GFRA1: variants seen among roughly 807,000 people sequenced by gnomAD.
GFRA1 encodes the protein GDNF family receptor alpha 1.
In GFRA1, 16 loss-of-function variants were observed where a neutral mutation model predicts 51.6. The ratio of observed to expected loss-of-function variants is 0.31; its 90% CI spans 0.21 to 0.47. The LOEUF is 0.47. Ranked by LOEUF, GFRA1 falls within the 20% of genes least tolerant of loss-of-function variation. The pLI, the probability that GFRA1 is intolerant of heterozygous loss-of-function variation, is 1.00. For synonymous variants in GFRA1, 270 were observed against 241.3 expected (o/e 1.12, Z -1.10); for missense variants, 530 against 594.3 (o/e 0.89, Z 1.13).
chr10:116,088,920 C>CAAAAAA lies in GFRA1; in HGVS notation c.1197+815_1197+820dup, dbSNP rs58590152. On this transcript the variant is annotated intron_variant, in intron 9 of 10. Transcript: ENST00000355422. ...TGGGTGACACAGCGAGACTCTGTCT[C>CAAAAAA]AAAAAAAAAAAAAAAAAAAAAAAAA... 3.9e-4 allele frequency among the ~76,000 whole-genome samples: 19 copies of CAAAAAA among 49,056 alleles called. 1 individual carries two copies. The East Asian group carries it at 4.4e-3, about 11-fold the overall frequency. 32.2% of individuals were successfully genotyped at this position (49,056 alleles called of 152,430 possible).
intron 5 of GFRA1, among the ~76,000 whole-genome samples, chr10:116,168,290 C>T (rs964650542): frequency 6.6e-6 from 1 of 152,074 alleles, no homozygotes; most frequent in African/African-American, 2.4e-5. Flanking sequence ...TGTCTGCCTT[C>T]CTGGGGTTTG....
chr10:116,245,814 T>C (rs1261962095), intron 4 of GFRA1, among the ~76,000 whole-genome samples: 1 of 152,102 alleles, frequency 6.6e-6, no homozygotes, highest in African/African-American at 2.4e-5. Context: ...TGCATATTAT[T>C]AGATGAAAGA....
chr10:116,216,432 T>C (rs530630548), intron 4 of GFRA1, among the ~76,000 whole-genome samples: 1 of 152,268 alleles, frequency 6.6e-6, no homozygotes, highest in Non-Finnish European at 1.5e-5. Context: ...TAGGAATAAT[T>C]TACTATTTCA....
chr10:116,247,410 C>T (rs184384722), intron 4 of GFRA1, among the ~76,000 whole-genome samples: 28 of 152,340 alleles, frequency 1.8e-4, no homozygotes, highest in Admixed American at 1.4e-3. Context: ...GAGATCATGA[C>T]ATTGTCTTCT....
intron 4 of GFRA1, among the ~76,000 whole-genome samples, chr10:116,218,397 A>G (rs1038107272): frequency 1.3e-5 from 2 of 152,202 alleles, no homozygotes; most frequent in Admixed American, 6.5e-5. Context: ...TGTTCTCTAT[A>G]GCGGGGTTCT....
intron 5 of GFRA1, among the ~76,000 whole-genome samples, chr10:116,160,154 TTTTGGTTTTTATTATTA>T (rs1959604315): frequency 6.6e-6 from 1 of 152,226 alleles, no homozygotes; most frequent in Non-Finnish European, 1.5e-5. Context: ...GGTTTTTGTC[TTTTGGTTTTTATTATTA>T]GTTGTTACAA....
intron 9 of GFRA1, among the ~76,000 whole-genome samples, chr10:116,071,628 T>C (rs1955396614): frequency 6.6e-6 from 1 of 152,180 alleles, no homozygotes; most frequent in Admixed American, 6.5e-5. Flanking sequence ...CTGGCACCAA[T>C]GGGACAGTCA....
chr10:116,244,381 T>C (rs1489482592), intron 4 of GFRA1, among the ~76,000 whole-genome samples: 11 of 146,968 alleles, frequency 7.5e-5, no homozygotes, highest in Non-Finnish European at 1.5e-4. Context: ...TAAAATTTAA[T>C]TTTATTTCAT....
chr10:116,160,399 A>G lies in GFRA1; in HGVS notation c.434-34842T>C, dbSNP rs184753827. Among the ~76,000 whole-genome samples the G allele has an allele frequency of 3.3e-5, 5 of 152,366 alleles. No homozygotes were observed. The East Asian group carries it at 9.6e-4, about 29-fold the overall frequency. On this transcript the variant is annotated intron_variant, in intron 5 of 10. Coordinates refer to ENST00000355422, the MANE Select transcript of GFRA1 (RefSeq NM_005264.8). ...ACTTTCCCATAATAGTTATTTCGGT[A>G]TATGTCTTGTTTCTGCAATCAGTCA...
At chr10:116,130,662 G>A (rs1053917608) in intron 5 of GFRA1, among the ~76,000 whole-genome samples, 1 of 152,018 alleles carries the variant, frequency 6.6e-6, no homozygotes, top group Non-Finnish European at 1.5e-5. Flanking sequence ...TGGGGGAAGA[G>A]AGTCTTTTCA....
chr10:116,197,724 C>G (rs1223745453), intron 5 of GFRA1, among the ~76,000 whole-genome samples: 1 of 152,176 alleles, frequency 6.6e-6, no homozygotes, highest in African/African-American at 2.4e-5. Flanking sequence ...AGAAATTAAA[C>G]AGGGACATGG....
At chr10:116,238,482 T>C (rs1346615257) in intron 4 of GFRA1, among the ~76,000 whole-genome samples, 2 of 152,188 alleles carry the variant, frequency 1.3e-5, no homozygotes, top group Non-Finnish European at 2.9e-5. Flanking sequence ...TATACACCAT[T>C]CCCTGTCCAC....
intron 6 of GFRA1, among the ~76,000 whole-genome samples, chr10:116,115,556 T>C (rs1330254345): frequency 2.0e-5 from 3 of 151,412 alleles, no homozygotes; most frequent in African/African-American, 7.3e-5. Context: ...ACACAGGACA[T>C]GCTCCTCTCC....
At chr10:116,101,187 A>G (rs2133928885) in intron 6 of GFRA1, among the ~76,000 whole-genome samples, 1 of 152,270 alleles carries the variant, frequency 6.6e-6, no homozygotes, top group Admixed American at 6.5e-5. Flanking sequence ...TATGAATCAC[A>G]CTGTAATCAA....
chr10:116,240,144 G>A (rs1237993584), intron 4 of GFRA1, among the ~76,000 whole-genome samples: 3 of 152,068 alleles, frequency 2.0e-5, no homozygotes, highest in Non-Finnish European at 4.4e-5. Flanking sequence ...TCAAGTGACT[G>A]TTGAGCTTTA....
chr10:116,078,703 T>TATG (rs149186363), intron 9 of GFRA1, among the ~76,000 whole-genome samples: 8,789 of 152,110 alleles, frequency 0.058, 829 homozygotes, highest in African/African-American at 0.19. Context: ...GATTTTTTTC[T>TATG]ATGTGACAAA....
In GFRA1 at chr10:116,268,055, G is replaced by A. The variant is rs574138189; in HGVS notation, c.418+1448C>T. ...ATGTACATATGAAGAACCCAGCCTA[G>A]GGATCTTGTTAAAATGTGTATTCTG... On this transcript the variant is annotated intron_variant, in intron 4 of 10. Coordinates refer to ENST00000355422, the MANE Select transcript of GFRA1 (RefSeq NM_005264.8). 2.5e-3 allele frequency among the ~76,000 whole-genome samples: 374 copies of A among 152,186 alleles called. 2 individuals are homozygous for A. The highest frequency in any genetic ancestry group is 3.3e-3 in the Non-Finnish European group (226 of 68,006).
rs140834521 is a variant in GFRA1 at position 116,168,853 on chromosome 10, A to T, written c.433+42778T>A. Among the ~76,000 whole-genome samples, 407 of 152,254 alleles carry T rather than the reference A, an allele frequency of 2.7e-3. 2 individuals carry two copies. Among genetic ancestry groups the T allele is most frequent in the African/African-American group, 9.4e-3 (390 of 41,552 alleles). ...AGCATGCAGATTATACTCGTATCAG[A>T]TTTTCTTTCAAATATAAAACCCACA... On this transcript the variant is annotated intron_variant, in intron 5 of 10. Coordinates refer to ENST00000355422, the MANE Select transcript of GFRA1 (RefSeq NM_005264.8).
chr10:116,258,410 T>TATTA (rs71010074), intron 4 of GFRA1, among the ~76,000 whole-genome samples: 142,180 of 146,506 alleles, frequency 0.97, 69,119 homozygotes, highest in East Asian at 1. Context: ...AAATATATTA[T>TATTA]ATTAATAAAA....
Sources: gnomAD v4.1 joint callset for allele counts (sites outside exome capture counted in the v4.1 genomes callset) on GRCh38, gnomAD v4.1.1 for gene constraint, MANE v1.5 for transcripts, NCBI Gene and HGNC (gene_info 2026-07-23, HGNC 2026-07-21) for gene names.